The following LRRC7 variants were observed in gnomAD, a reference collection of about 807,000 sequenced individuals.
The protein encoded by LRRC7 is leucine-rich repeat-containing protein 7.
LRRC7 carries 23 observed loss-of-function variants against 175.7 expected under a neutral mutation model. The ratio of observed to expected loss-of-function variants is 0.13; its 90% CI spans 0.09 to 0.19. The LOEUF (loss-of-function observed/expected upper bound fraction) is 0.19. Ranked by LOEUF, LRRC7 falls within the 10% of genes least tolerant of loss-of-function variation. The probability of loss-of-function intolerance (pLI) is 1.00; values close to 1 mark genes in which losing one functional copy is unlikely to be tolerated. For synonymous variants in LRRC7, 685 were observed against 680.9 expected, an observed-to-expected ratio of 1.01 and a Z score of -0.09; for missense variants, 1,354 against 1,904.7, an observed-to-expected ratio of 0.71 and a Z score of 5.38.
At chr1:69,643,898 G>T (rs1350792455) in intron 1 of LRRC7, among the ~76,000 whole-genome samples, 1 of 151,922 alleles carries the variant, frequency 6.6e-6, no homozygotes, top group Non-Finnish European at 1.5e-5. Flanking sequence ...ATCCCTAAAT[G>T]TCCTAAATTA....
intron 2 of LRRC7, among the ~76,000 whole-genome samples, chr1:69,696,157 C>A (rs1384058586): frequency 6.6e-6 from 1 of 152,214 alleles, no homozygotes; most frequent in African/African-American, 2.4e-5. Context: ...CTGCATCATG[C>A]AAAGCCACAG....
At chr1:69,969,601 C>T (rs1171701635) in intron 8 of LRRC7, among the ~76,000 whole-genome samples, 1 of 152,062 alleles carries the variant, frequency 6.6e-6, no homozygotes, top group Non-Finnish European at 1.5e-5. Flanking sequence ...TATATACGCA[C>T]CTAACACTGG....
At chr1:69,591,827 A>G (rs1004442583) in intron 1 of LRRC7, among the ~76,000 whole-genome samples, 4 of 151,956 alleles carry the variant, frequency 2.6e-5, no homozygotes, top group African/African-American at 7.2e-5. Flanking sequence ...TATCACATCC[A>G]TCTGCAGATG....
At chr1:69,678,240 T>C in intron 1 of LRRC7, 141 bp from the exon 2 acceptor site, 1 of 609,336 alleles carries the variant, frequency 1.6e-6, no homozygotes. Flanking sequence ...CGATGCTCCC[T>C]GCCAGCTTGC....
chr1:69,873,747 T>G (rs186371428), intron 7 of LRRC7: 1 of 166,782 alleles, frequency 6.0e-6, no homozygotes, highest in East Asian at 1.6e-4. Context: ...CTGACTAATA[T>G]AGAGAGACCT....
intron 5 of LRRC7, among the ~76,000 whole-genome samples, chr1:69,828,452 T>A (rs749409772): frequency 2.0e-5 from 3 of 152,152 alleles, no homozygotes; most frequent in Non-Finnish European, 4.4e-5. Context: ...CAGTTTTTTA[T>A]TTTTTTCCAT....
At chr1:69,765,635 C>A (rs989187413) in intron 3 of LRRC7, among the ~76,000 whole-genome samples, 4 of 152,052 alleles carry the variant, frequency 2.6e-5, no homozygotes, top group Non-Finnish European at 5.9e-5. Context: ...TCTATCCATT[C>A]AACACTTGGC....
At position 69,767,024 on chromosome 1, in the gene LRRC7, A is replaced by G. The variant is rs139954465; in HGVS notation, c.303+6631A>G. On this transcript the variant is annotated intron_variant, in intron 3 of 26. Coordinates refer to ENST00000651989, the MANE Select transcript of LRRC7 (RefSeq NM_001370785.2). ...ACCCTTTGAGAAACCGCCCATATCT[A>G]TTAGCAGTCACTCCATGTTCCCTGT... Among the ~76,000 whole-genome samples, 512 of 152,242 alleles carry G rather than the reference A, an allele frequency of 3.4e-3. 4 individuals are homozygous for G. Among genetic ancestry groups the G allele is most frequent in the Non-Finnish European group, 3.6e-3 (247 of 68,020 alleles).
intron 2 of LRRC7, among the ~76,000 whole-genome samples, chr1:69,703,594 T>C (rs535131611): frequency 6.6e-6 from 1 of 152,032 alleles, no homozygotes; most frequent in Non-Finnish European, 1.5e-5. Flanking sequence ...TTATTACATA[T>C]CTATATATCT....
chr1:69,730,011 G>T (rs1667393914), intron 2 of LRRC7, among the ~76,000 whole-genome samples: 2 of 152,210 alleles, frequency 1.3e-5, no homozygotes, highest in Non-Finnish European at 2.9e-5. Flanking sequence ...AAGGCTTGGA[G>T]GTTGCACTCT....
At chr1:69,595,380 A>G (rs1267821548) in intron 1 of LRRC7, among the ~76,000 whole-genome samples, 3 of 152,202 alleles carry the variant, frequency 2.0e-5, no homozygotes, top group Non-Finnish European at 4.4e-5. Context: ...AGATCGTGCC[A>G]TTGCACTCCA....
chr1:69,843,885 C>A (rs566742642), intron 7 of LRRC7, among the ~76,000 whole-genome samples: 1 of 151,936 alleles, frequency 6.6e-6, no homozygotes, highest in South Asian at 2.1e-4. Context: ...CATTCTGAAC[C>A]GGTTCTTTTG....
At chr1:69,931,261 T>C (rs1463301549) in intron 7 of LRRC7, among the ~76,000 whole-genome samples, 2 of 152,148 alleles carry the variant, frequency 1.3e-5, no homozygotes, top group Non-Finnish European at 2.9e-5. Context: ...AATAAGCTTC[T>C]TGGATTTTTG....
intron 2 of LRRC7, among the ~76,000 whole-genome samples, chr1:69,693,586 A>T (rs1024805046): frequency 1.3e-5 from 2 of 150,704 alleles, no homozygotes; most frequent in African/African-American, 2.5e-5. Context: ...GATGAGACCC[A>T]CTCACATTAT....
chr1:70,112,572 A>G (rs932272421), intron 26 of LRRC7, among the ~76,000 whole-genome samples: 1 of 152,162 alleles, frequency 6.6e-6, no homozygotes, highest in Non-Finnish European at 1.5e-5. Flanking sequence ...GATTAATATA[A>G]AAGTGTGTAT....
Position 70,089,825 on chromosome 1 carries a change from A to G in LRRC7, c.4545+6A>G, listed in dbSNP as rs1047737740. 13 of 1,550,920 alleles carry G rather than the reference A, an allele frequency of 8.4e-6. No homozygotes were observed. Among genetic ancestry groups the G allele is most frequent in the Non-Finnish European group, 1.2e-5 (13 of 1,125,988 alleles). ...CATTCAAACCTTCTGACAAGGTAAG[A>G]AATGAATATCTTGTTGACAATATTA... On this transcript the variant is annotated splice_donor_region_variant and intron_variant, in intron 25 of 26. Coordinates refer to ENST00000651989, the MANE Select transcript of LRRC7 (RefSeq NM_001370785.2).
At chr1:69,620,460 G>A (rs1650387900) in intron 1 of LRRC7, among the ~76,000 whole-genome samples, 1 of 152,176 alleles carries the variant, frequency 6.6e-6, no homozygotes. Context: ...TGGGGAAGAA[G>A]ACTAAGTATT....
chr1:69,824,701 G>A (rs1032607337), intron 4 of LRRC7, among the ~76,000 whole-genome samples: 5 of 152,022 alleles, frequency 3.3e-5, no homozygotes, highest in Admixed American at 2.6e-4. Context: ...TAAAAAGGTG[G>A]AATATTTTGT....
chr1:69,888,014 C>T (rs12754136), intron 7 of LRRC7, among the ~76,000 whole-genome samples: 19,390 of 68,292 alleles, frequency 0.28, 3,855 homozygotes, highest in East Asian at 0.44. Flanking sequence ...ACCACTGCTC[C>T]CTTCAAAGCT....
Sources: allele counts gnomAD v4.1 joint callset (sites outside exome capture counted in the v4.1 genomes callset), GRCh38; gene constraint gnomAD v4.1.1; transcripts MANE v1.5; gene names NCBI Gene and HGNC (gene_info 2026-07-23, HGNC 2026-07-21).